The following LRRC28 variants were observed in gnomAD, a reference collection of about 807,000 sequenced individuals.
LRRC28 encodes the protein leucine rich repeat containing 28, also known as leucine-rich repeat-containing protein 28.
In LRRC28, 39 loss-of-function variants were observed where a neutral mutation model predicts 45.7. The ratio of observed to expected loss-of-function variants is 0.85; its 90% CI spans 0.66 to 1.12. The LOEUF (loss-of-function observed/expected upper bound fraction) is 1.12, where lower values mean the gene tolerates loss of function less well. LRRC28 is among the 50% of genes most tolerant of loss of function. The probability of loss-of-function intolerance (pLI) is 0.00; values close to 1 mark genes in which losing one functional copy is unlikely to be tolerated. For synonymous variants in LRRC28, 206 were observed against 178.8 expected (o/e 1.15, Z -1.22); for missense variants, 435 against 438.5 (o/e 0.99, Z 0.07).
intron 5 of LRRC28, among the ~76,000 whole-genome samples, chr15:99,289,440 A>G (rs2082049319): frequency 6.6e-6 from 1 of 152,236 alleles, no homozygotes; most frequent in Non-Finnish European, 1.5e-5. Context: ...CTCAAATAAA[A>G]TTACAAATTA....
chr15:99,290,577 A>G (rs537383841), intron 5 of LRRC28, among the ~76,000 whole-genome samples: 2 of 152,334 alleles, frequency 1.3e-5, no homozygotes, highest in South Asian at 4.1e-4. Context: ...TGAAACTTAC[A>G]TAAGATATAC....
chr15:99,385,910 T>C (rs1019105754), intron 9 of LRRC28, 120 bp from the exon 10 acceptor site: 57 of 814,348 alleles, frequency 7.0e-5, no homozygotes, highest in Middle Eastern at 4.5e-4. Context: ...ATTTCTATTA[T>C]GCAGTTTGTT....
chr15:99,251,806 C>G (rs1437409156), intron 1 of LRRC28: 6 of 152,278 alleles, frequency 3.9e-5, no homozygotes, highest in Non-Finnish European at 8.8e-5. Flanking sequence ...CTGTAACGAT[C>G]TCAGTGGCTG....
intron 3 of LRRC28, among the ~76,000 whole-genome samples, chr15:99,277,040 C>T (rs2081636212): frequency 1.3e-5 from 2 of 151,968 alleles, no homozygotes; most frequent in Non-Finnish European, 1.5e-5. Context: ...TGTTTTAGTT[C>T]TTTTTATGAT....
intron 9 of LRRC28, among the ~76,000 whole-genome samples, chr15:99,375,879 A>C (rs1162929809): frequency 6.6e-6 from 1 of 151,968 alleles, no homozygotes; most frequent in African/African-American, 2.4e-5. Context: ...AAGATTTATC[A>C]GTTTTATTGT....
chr15:99,363,326 G>A (rs892906309), intron 9 of LRRC28, 61 bp downstream of exon 9: 20 of 1,579,988 alleles, frequency 1.3e-5, no homozygotes, highest in Non-Finnish European at 1.6e-5. Flanking sequence ...AGGTGGGGAG[G>A]GGAGAGGCTG....
chr15:99,308,201 C>T (rs116804794), intron 5 of LRRC28, among the ~76,000 whole-genome samples: 33 of 152,240 alleles, frequency 2.2e-4, no homozygotes, highest in African/African-American at 7.9e-4. Context: ...TAAGAATTCT[C>T]GAGGCTCTGA....
At chr15:99,284,976 A>G (rs1461581083) in intron 3 of LRRC28, 12 of 630,108 alleles carry the variant, frequency 1.9e-5, no homozygotes, top group Admixed American at 3.7e-5. Context: ...ACCACCATCA[A>G]AATTTCCAGA....
chr15:99,331,898 T>A (rs1304704964), intron 5 of LRRC28: 1 of 152,202 alleles, frequency 6.6e-6, no homozygotes, highest in Non-Finnish European at 1.5e-5. Context: ...CAAATTCAGA[T>A]TTTGGAAGAG....
At chr15:99,338,895 G>C (rs938304887) in intron 6 of LRRC28, among the ~76,000 whole-genome samples, 1 of 152,114 alleles carries the variant, frequency 6.6e-6, no homozygotes, top group Non-Finnish European at 1.5e-5. Flanking sequence ...AAGATGCACC[G>C]GAAGAAAAGG....
intron 6 of LRRC28, among the ~76,000 whole-genome samples, chr15:99,347,400 G>A (rs1440998288): frequency 2.6e-5 from 4 of 152,054 alleles, no homozygotes; most frequent in East Asian, 1.9e-4. Context: ...TAGTAGAGAC[G>A]GTTCCACCGT....
chr15:99,259,680 C>A, intron 2 of LRRC28: 1 of 1,390,642 alleles, frequency 7.2e-7, no homozygotes. Context: ...GAAATTAATC[C>A]CAGACATCCG....
At chr15:99,373,799 C>G (rs760793202) in intron 9 of LRRC28, among the ~76,000 whole-genome samples, 3 of 152,126 alleles carry the variant, frequency 2.0e-5, no homozygotes, top group Non-Finnish European at 2.9e-5. Flanking sequence ...GAAAACAAGT[C>G]TTCTGTTTTG....
Position 99,372,013 on chromosome 15 carries a change from C to A in LRRC28, c.1031+8748C>A, listed in dbSNP as rs374785051. 5.8e-4 allele frequency among the ~76,000 whole-genome samples: 89 copies of A among 152,298 alleles called. No individual in the cohort carries two copies. The Middle Eastern group carries it at 0.014, about 23-fold the overall frequency. ...GAGACAGTCACTACTAACATAAATG[C>A]AACAAGCAGATACAATATGTTATTA... On this transcript the variant is annotated intron_variant, in intron 9 of 9. Coordinates refer to ENST00000301981, the MANE Select transcript of LRRC28 (RefSeq NM_144598.5).
Position 99,352,377 on chromosome 15 carries a change from C to T in LRRC28, c.601C>T (p.Arg201Ter), listed in dbSNP as rs368069445. The part of the protein sequence containing the change: ...RLAFLPLDLG[R>*]SRELQYVYVD... ...TTTTCTTTCTAATCCAGATTTAGGT[C>T]GATCTCGAGAACTACAGTATGTATA... The change falls in exon 7 of 10, where the codon CGA becomes TGA. Residue 201 changes from arginine to a stop codon, truncating the protein, a stop_gained. Transcript: ENST00000301981. LOFTEE classifies it high-confidence loss of function. 2.5e-5 allele frequency: 40 copies of T among 1,611,734 alleles called. No individual in the cohort carries two copies. Among genetic ancestry groups the T allele is most frequent in the Non-Finnish European group, 3.2e-5 (38 of 1,178,678 alleles).
Position 99,334,083 on chromosome 15 carries a change from C to G in LRRC28, c.546C>G (p.Leu182=). The G allele has an allele frequency of 6.2e-7, 1 of 1,614,122 alleles. No individual in the cohort carries two copies. The highest frequency in any genetic ancestry group is 8.5e-7 in the Non-Finnish European group (1 of 1,180,002). ...GCCATCTCTGCCAGCTGCCCAGCCT[C>G]AATGAGCTCTCCATGGCTGGAAACC... ...VPRHLCQLPS[L]NELSMAGNRL... Residue 182 remains leucine (L), a synonymous_variant, in exon 6 of 10, where the codon CTC becomes CTG. Coordinates refer to ENST00000301981, the MANE Select transcript of LRRC28 (RefSeq NM_144598.5).
intron 6 of LRRC28, among the ~76,000 whole-genome samples, chr15:99,341,544 G>C (rs1398120679): frequency 6.6e-6 from 1 of 152,178 alleles, no homozygotes; most frequent in Non-Finnish European, 1.5e-5. Flanking sequence ...TGTATGAAGA[G>C]AAAAGTGCAC....
chr15:99,271,047 G>A (rs950587115), intron 2 of LRRC28, among the ~76,000 whole-genome samples: 4 of 152,094 alleles, frequency 2.6e-5, no homozygotes, highest in African/African-American at 9.7e-5. Context: ...TGTGCTTGTT[G>A]GTCATTTGCA....
At chr15:99,376,193 TC>T (rs1398454153) in intron 9 of LRRC28, among the ~76,000 whole-genome samples, 1 of 152,144 alleles carries the variant, frequency 6.6e-6, no homozygotes, top group Non-Finnish European at 1.5e-5. Context: ...TGTTTTAAGT[TC>T]CTTTGAGATT....
Sources: allele counts gnomAD v4.1 joint callset (sites outside exome capture counted in the v4.1 genomes callset), GRCh38; gene constraint gnomAD v4.1.1; transcripts MANE v1.5; gene names NCBI Gene and HGNC (gene_info 2026-07-23, HGNC 2026-07-21).